Variants in TNN observed in about 807,000 individuals in gnomAD.
The protein encoded by TNN is tenascin N.
A neutral mutation model predicts 134.4 loss-of-function variants in TNN; 122 were observed. That is an observed-to-expected ratio of 0.91 (90% CI 0.78 to 1.06). The LOEUF (loss-of-function observed/expected upper bound fraction) is 1.06. TNN is among the 50% of genes least tolerant of loss of function. The probability of loss-of-function intolerance (pLI) is 0.00; values close to 1 mark genes in which losing one functional copy is unlikely to be tolerated. For missense variants in TNN, 1,739 were observed against 1,699.4 expected (o/e 1.02, Z -0.41); for synonymous variants, 710 against 670.3 (o/e 1.06, Z -0.91).
At chr1:175,126,322 G>A (rs1675528520) in intron 12 of TNN, among the ~76,000 whole-genome samples, 2 of 151,892 alleles carry the variant, frequency 1.3e-5, no homozygotes. Flanking sequence ...GGCTGGTGTC[G>A]AACTCTTGAC....
At chr1:175,132,587 T>C (rs1244634290) in intron 15 of TNN, among the ~76,000 whole-genome samples, 1 of 152,258 alleles carries the variant, frequency 6.6e-6, no homozygotes, top group Non-Finnish European at 1.5e-5. Flanking sequence ...TGCCTATTTA[T>C]AGAACATTTT....
At chr1:175,120,270 AG>A (rs1319932751) in intron 11 of TNN, among the ~76,000 whole-genome samples, 1 of 152,242 alleles carries the variant, frequency 6.6e-6, no homozygotes, top group Non-Finnish European at 1.5e-5. Context: ...ACAATAAATA[AG>A]AAAACACATT....
chr1:175,098,219 T>C, intron 8 of TNN, 113 bp from the exon 9 acceptor site: 2 of 1,457,278 alleles, frequency 1.4e-6, no homozygotes, highest in Middle Eastern at 1.8e-4. Context: ...AGGATGAGAA[T>C]GCCATTGCCT....
At position 175,079,402 on chromosome 1, in the gene TNN, G is replaced by T; in HGVS notation, c.479G>T (p.Gly160Val). 1 of 1,597,028 alleles carries T rather than the reference G, an allele frequency of 6.3e-7. No homozygotes were observed. The highest frequency in any genetic ancestry group is 1.7e-4 in the Middle Eastern group (1 of 6,034). Residue 160 changes from glycine (G) to valine (V), a missense_variant, in exon 3 of 19, where the codon GGC (glycine) becomes GTC (valine). Transcript: ENST00000239462. ...LETCSCHCEEGREGPACERLA... is the reference protein window; with the variant it reads ...LETCSCHCEEVREGPACERLA... ...ACCTGCAGCTGCCACTGCGAAGAGGGCAGGGAGGGCCCCGCCTGCGAGCGG... is the reference window on the plus strand; with the variant it reads ...ACCTGCAGCTGCCACTGCGAAGAGGTCAGGGAGGGCCCCGCCTGCGAGCGG...
intron 9 of TNN, among the ~76,000 whole-genome samples, chr1:175,113,991 T>C (rs1675102960): frequency 6.6e-6 from 1 of 152,234 alleles, no homozygotes; most frequent in African/African-American, 2.4e-5. Flanking sequence ...TCTGTATTTT[T>C]TGAATTTCAT....
At chr1:175,126,862 T>G (rs1273376370) in intron 12 of TNN, 93 bp from the exon 13 acceptor site, 2 of 1,401,312 alleles carry the variant, frequency 1.4e-6, no homozygotes, top group Non-Finnish European at 1.9e-6. Flanking sequence ...AATGGGAGGG[T>G]TTGAAAAGGG....
chr1:175,140,800 C>A (rs1675927541), intron 17 of TNN, among the ~76,000 whole-genome samples: 1 of 152,168 alleles, frequency 6.6e-6, no homozygotes, highest in Non-Finnish European at 1.5e-5. Flanking sequence ...TTCTGAATTA[C>A]AATGGTAGGG....
At chr1:175,136,229 T>C (rs1342332633) in intron 16 of TNN, among the ~76,000 whole-genome samples, 2 of 152,088 alleles carry the variant, frequency 1.3e-5, no homozygotes. Flanking sequence ...AGAAAAAAAG[T>C]TCAGTGATTG....
At chr1:175,139,131 T>A (rs1360118977) in intron 17 of TNN, among the ~76,000 whole-genome samples, 1 of 152,240 alleles carries the variant, frequency 6.6e-6, no homozygotes, top group Non-Finnish European at 1.5e-5. Flanking sequence ...TGCACTCCTG[T>A]AGACTTTAGG....
At position 175,097,670 on chromosome 1, in the gene TNN, C is replaced by A; in HGVS notation, c.1842C>A (p.Thr614=). 6.2e-7 allele frequency: 1 copy of A among 1,614,100 alleles called. No homozygotes were observed. The highest frequency in any genetic ancestry group is 8.5e-7 in the Non-Finnish European group (1 of 1,180,014). Residue 614 remains threonine (T), a synonymous_variant, in exon 8 of 19, where the codon ACC becomes ACA. Transcript: ENST00000239462. ...ACCGAGAGAGCAAGAAGGCTGACAC[C>A]AACGCCCCGACAGGTAACAAAAGAG... ...KGDRESKKAD[T]NAPTDIDSPK...
In TNN at chr1:175,116,925, A is replaced by AT. The variant is rs749007539; in HGVS notation, c.2120-4dup. On this transcript the variant is annotated splice_polypyrimidine_tract_variant and intron_variant, in intron 9 of 18. Coordinates refer to ENST00000239462, the MANE Select transcript of TNN (RefSeq NM_022093.2). ...AGTTCATAGTGTTCATTGATCAGCAATTTTTTTTTTCAGACATTGACAGCC... is the reference window on the plus strand; with the variant it reads ...AGTTCATAGTGTTCATTGATCAGCAATTTTTTTTTTTCAGACATTGACAGCC... 3.0e-4 allele frequency: 460 copies of AT among 1,518,634 alleles called. No individual in the cohort carries two copies. The highest frequency in any genetic ancestry group is 4.6e-4 in the African/African-American group (33 of 72,238). The allele number at this position is 1,518,634 out of a possible 1,614,324, so 94.1% of individuals were successfully genotyped here. A position where few individuals can be genotyped will look rare whatever the true frequency, so the allele number is the denominator to read the frequency against.
Position 175,136,864 on chromosome 1 carries a change from G to A in TNN, c.3471G>A (p.Arg1157=). 6.2e-7 allele frequency: 1 copy of A among 1,614,190 alleles called. No individual in the cohort carries two copies. The highest frequency in any genetic ancestry group is 8.5e-7 in the Non-Finnish European group (1 of 1,180,030). ...ACCTCACCACCGGCACTCCAGCGCG[G>A]TATGAGGTGAGAGTGGATTTACAGA... is the stretch of plus-strand genomic sequence containing the variant. ...LHNLTTGTPA[R]YEVRVDLQTA... is the part of the protein sequence containing the mutation. The change falls in exon 17 of 19, where the codon CGG becomes CGA. Residue 1157 remains arginine (R), a synonymous_variant. Transcript: ENST00000239462.
chr1:175,098,962 C>G (rs1457148801), intron 9 of TNN, among the ~76,000 whole-genome samples: 2 of 152,210 alleles, frequency 1.3e-5, no homozygotes, highest in African/African-American at 4.8e-5. Flanking sequence ...AAAAAAAATT[C>G]CTCACCTGTT....
chr1:175,128,679 T>G lies in TNN; in HGVS notation c.3263T>G (p.Leu1088Arg). 1 of 1,614,018 alleles carries G rather than the reference T, an allele frequency of 6.2e-7. No homozygotes were observed. The highest frequency in any genetic ancestry group is 8.5e-7 in the Non-Finnish European group (1 of 1,179,956). ...NAASGLYTIYLHGDASRPLQV... is the reference protein window; with the variant it reads ...NAASGLYTIYRHGDASRPLQV... ...GCCAGTGGTCTGTACACCATCTACC[T>G]GCATGGCGATGCCAGCCGGCCCCTG... The change falls in exon 15 of 19, where the codon CTG (leucine) becomes CGG (arginine). Residue 1088 changes from leucine to arginine, a missense_variant. By Grantham distance (102) the Leu-to-Arg change is moderately radical (BLOSUM62 -2). Coordinates refer to ENST00000239462, the MANE Select transcript of TNN (RefSeq NM_022093.2).
chr1:175,120,446 T>C (rs1248326050), intron 11 of TNN, among the ~76,000 whole-genome samples: 2 of 152,184 alleles, frequency 1.3e-5, no homozygotes, highest in Non-Finnish European at 2.9e-5. Flanking sequence ...TGGAGTGTAT[T>C]CCTCTCTGTA....
Position 175,077,541 on chromosome 1 carries a change from T to C in TNN, c.123T>C (p.Thr41=), listed in dbSNP as rs999357301. 6.2e-7 allele frequency: 1 copy of C among 1,614,064 alleles called. No individual in the cohort carries two copies. Among genetic ancestry groups the C allele is most frequent in the Admixed American group, 1.7e-5 (1 of 60,008 alleles). ...GCAGCAACAAGGAGCAACAGGTCACTGTCAGCCACACCTACAAGATCGATG... is the reference window on the plus strand; with the variant it reads ...GCAGCAACAAGGAGCAACAGGTCACCGTCAGCCACACCTACAAGATCGATG... The part of the protein sequence containing the change: ...PGCSNKEQQV[T]VSHTYKIDVP... Residue 41 remains threonine, a synonymous_variant, in exon 2 of 19, where the codon ACT becomes ACC. Coordinates refer to ENST00000239462, the MANE Select transcript of TNN (RefSeq NM_022093.2).
At chr1:175,126,544 C>T (rs1243681574) in intron 12 of TNN, among the ~76,000 whole-genome samples, 3 of 152,200 alleles carry the variant, frequency 2.0e-5, no homozygotes, top group Non-Finnish European at 4.4e-5. Context: ...AGGCAACTTT[C>T]CAGGCGGGCC....
rs1675801304 is a variant in TNN, at chr1:175,136,050, G to C, written c.3427+109G>C. ...ACCACCTTCACAGAGAGGCCCCAGT[G>C]GCAGGGAGACAGAGGACTGTGCCGA... On this transcript the variant is annotated intron_variant, in intron 16 of 18. Transcript: ENST00000239462. 1.2e-5 allele frequency: 9 copies of C among 775,846 alleles called. No individual in the cohort carries two copies. In the South Asian group the frequency reaches 1.3e-4, roughly 11 times the overall value. The allele number at this position is 775,846 out of a possible 1,614,324, so 48.1% of individuals were successfully genotyped here.
chr1:175,073,755 C>G (rs918529566), intron 1 of TNN, among the ~76,000 whole-genome samples: 1 of 152,228 alleles, frequency 6.6e-6, no homozygotes, highest in Non-Finnish European at 1.5e-5. Context: ...GTGGTTCCCT[C>G]TGTTGGATGC....
Sources: gnomAD v4.1 joint callset for allele counts (sites outside exome capture counted in the v4.1 genomes callset) on GRCh38, gnomAD v4.1.1 for gene constraint, MANE v1.5 for transcripts, NCBI Gene and HGNC (gene_info 2026-07-23, HGNC 2026-07-21) for gene names.